Variants in HELZ observed in about 807,000 individuals in gnomAD.
HELZ encodes ATP-dependent RNA helicase with zinc finger domain.
In HELZ, 23 loss-of-function variants were observed where a neutral mutation model predicts 218.2. The observed-to-expected ratio is 0.11, with a 90% CI of 0.08 to 0.15. The LOEUF (loss-of-function observed/expected upper bound fraction) is 0.15, where lower values mean the gene tolerates loss of function less well. Among genes scored for constraint, HELZ ranks in the 10% least tolerant of loss-of-function variants. HELZ has a pLI of 1.00. For missense variants in HELZ, 1,813 were observed against 2,353.7 expected (o/e 0.77, Z 4.75); for synonymous variants, 814 against 829.4 (o/e 0.98, Z 0.32).
intron 24 of HELZ, among the ~76,000 whole-genome samples, chr17:67,127,243 G>A (rs545791853): frequency 4.6e-5 from 7 of 152,220 alleles, no homozygotes; most frequent in South Asian, 4.2e-4. Context: ...AGGCGGACTC[G>A]GGGGCTAATT....
Position 67,109,572 on chromosome 17 carries a change from G to A in HELZ, c.4033C>T (p.Pro1345Ser), listed in dbSNP as rs112975968. 1.2e-6 allele frequency: 2 copies of A among 1,614,176 alleles called. No individual in the cohort carries two copies. Among genetic ancestry groups the A allele is most frequent in the African/African-American group, 1.3e-5 (1 of 75,036 alleles). ...DNLNPRHINL[P>S]LPAPHAQYAI... is the part of the protein sequence containing the mutation. ...TACTGTGCGTGGGGAGCAGGAAGGG[G>A]AAGATTTATGTGTCTTGGGTTGAGA... is the stretch of plus-strand genomic sequence containing the variant. The change falls in exon 29 of 33, where the codon CCC becomes TCC. Residue 1345 changes from proline to serine, a missense_variant. By Grantham distance (74) the Pro-to-Ser change is moderately conservative. Coordinates refer to ENST00000358691, the MANE Select transcript of HELZ (RefSeq NM_014877.4).
chr17:67,072,558 A>G lies in HELZ; in HGVS notation c.*5694T>C, dbSNP rs188461972. Reference sequence around the variant, plus strand: ...CACACCAAACAAATGCACAGCTTCCAGACTGATGTCCAGGCAGCAGCGTAC... The same window carrying G: ...CACACCAAACAAATGCACAGCTTCCGGACTGATGTCCAGGCAGCAGCGTAC... On this transcript the variant is annotated 3_prime_UTR_variant, in exon 33 of 33. Coordinates refer to ENST00000358691, the MANE Select transcript of HELZ (RefSeq NM_014877.4). 624 of 152,822 alleles carry G rather than the reference A, an allele frequency of 4.1e-3. 4 individuals are homozygous for G. The highest frequency in any genetic ancestry group is 4.6e-3 in the Non-Finnish European group (311 of 68,160). 9.5% of individuals were successfully genotyped at this position (152,822 alleles called of 1,614,324 possible).
At chr17:67,235,995 C>T (rs1046760294) in intron 3 of HELZ, among the ~76,000 whole-genome samples, 3 of 151,996 alleles carry the variant, frequency 2.0e-5, no homozygotes, top group Admixed American at 1.3e-4. Context: ...CTCCTGACCT[C>T]CTGATCCGCC....
intron 31 of HELZ, among the ~76,000 whole-genome samples, chr17:67,089,694 G>GAGAGAGAGAGAGAGAGACAGAC (rs776184027): frequency 2.0e-5 from 2 of 100,696 alleles, no homozygotes; most frequent in Admixed American, 1.1e-4. Flanking sequence ...GAGAGAGAGA[G>GAGAGAGAGAGAGAGAGACAGAC]AGAGAGACAG....
intron 13 of HELZ, among the ~76,000 whole-genome samples, chr17:67,170,039 T>C (rs1301686542): frequency 6.6e-6 from 1 of 152,242 alleles, no homozygotes; most frequent in African/African-American, 2.4e-5. Flanking sequence ...GGAACAGCAG[T>C]TGGGCCCCCA....
rs777241915 is a variant in HELZ, at chr17:67,109,644, G to A, written c.3961C>T (p.Arg1321Cys). 1.2e-5 allele frequency: 19 copies of A among 1,613,938 alleles called. No individual in the cohort carries two copies. The highest frequency in any genetic ancestry group is 1.2e-4 in the Admixed American group (7 of 60,000). The change falls in exon 29 of 33, where the codon CGT (arginine) becomes TGT (cysteine). Residue 1321 changes from arginine (R) to cysteine (C), a missense_variant. This residue lies in a region of HELZ where 938 missense variants were observed against 1,027.5 expected (regional missense o/e 0.91). Coordinates refer to ENST00000358691, the MANE Select transcript of HELZ (RefSeq NM_014877.4). ...GTACTGGGATAAACAACACTAGGAC[G>A]TGATTCAGGACTTCTGTTCTGTGGA... is the stretch of plus-strand genomic sequence containing the variant. ...SNPQNRSPESRPSVVYPSTKF... is the reference protein window; with the variant it reads ...SNPQNRSPESCPSVVYPSTKF...
chr17:67,185,013 T>C (rs537722439), intron 12 of HELZ, among the ~76,000 whole-genome samples: 1 of 152,166 alleles, frequency 6.6e-6, no homozygotes, highest in Non-Finnish European at 1.5e-5. Flanking sequence ...AACTTATACC[T>C]GGAATGACAC....
At chr17:67,244,866 C>T (rs1488295451) in intron 1 of HELZ, 6 of 985,558 alleles carry the variant, frequency 6.1e-6, no homozygotes, top group Non-Finnish European at 7.2e-6. Flanking sequence ...GCCAGGCGTG[C>T]AAGGCCCCCT....
intron 23 of HELZ, among the ~76,000 whole-genome samples, chr17:67,130,584 A>G (rs781187221): frequency 4.3e-4 from 66 of 152,194 alleles, no homozygotes; most frequent in Admixed American, 2.2e-3. Flanking sequence ...AAGAACACCA[A>G]TGAAGGAATT....
rs892154303 is a variant in HELZ at position 67,073,385 on chromosome 17, A to T, written c.*4867T>A. 6.6e-6 allele frequency: 1 copy of T among 152,630 alleles called. No homozygotes were observed. Among genetic ancestry groups the T allele is most frequent in the African/African-American group, 2.4e-5 (1 of 41,454 alleles). The allele number at this position is 152,630 out of a possible 1,614,324, so 9.5% of individuals were successfully genotyped here. A position where few individuals can be genotyped will look rare whatever the true frequency, so the allele number is the denominator to read the frequency against. Reference sequence around the variant, plus strand: ...TTGTTTAATGAACTCATAGAATTATATAAAACTTACTATGCTTTATGCTTA... The same window carrying T: ...TTGTTTAATGAACTCATAGAATTATTTAAAACTTACTATGCTTTATGCTTA... On this transcript the variant is annotated 3_prime_UTR_variant, in exon 33 of 33. Transcript: ENST00000358691.
chr17:67,245,293 C>T (rs2041453748), upstream of HELZ: 1 of 913,884 alleles, frequency 1.1e-6, no homozygotes, highest in Non-Finnish European at 1.3e-6. Flanking sequence ...GCCGCGCCTC[C>T]CGCCCGGAAA....
intron 12 of HELZ, among the ~76,000 whole-genome samples, chr17:67,187,697 A>C (rs1203924757): frequency 2.6e-5 from 4 of 152,190 alleles, no homozygotes; most frequent in Admixed American, 2.6e-4. Context: ...GTCCTGTTGG[A>C]TCTTGGCATA....
chr17:67,186,353 T>C (rs1178817232), intron 12 of HELZ, among the ~76,000 whole-genome samples: 1 of 152,136 alleles, frequency 6.6e-6, no homozygotes, highest in Non-Finnish European at 1.5e-5. Context: ...ATTTTACAGA[T>C]GTTTCCCCGT....
intron 26 of HELZ, among the ~76,000 whole-genome samples, chr17:67,122,042 T>C (rs1482640394): frequency 6.6e-6 from 1 of 152,238 alleles, no homozygotes; most frequent in Non-Finnish European, 1.5e-5. Flanking sequence ...ATTAAATATT[T>C]AGATTTACAA....
At chr17:67,211,450 G>GA (rs1347674218) in intron 5 of HELZ, among the ~76,000 whole-genome samples, 3 of 152,220 alleles carry the variant, frequency 2.0e-5, no homozygotes, top group Non-Finnish European at 2.9e-5. Flanking sequence ...AAATATTTCA[G>GA]AAAAAATGAA....
At chr17:67,125,933 G>C (rs1041537511) in intron 24 of HELZ, among the ~76,000 whole-genome samples, 1 of 152,130 alleles carries the variant, frequency 6.6e-6, no homozygotes, top group Non-Finnish European at 1.5e-5. Context: ...TGAGATGTAG[G>C]GGACACAGTT....
chr17:67,087,638 T>C lies in HELZ; in HGVS notation c.5242-557A>G, dbSNP rs569878682. 3.3e-5 allele frequency among the ~76,000 whole-genome samples: 5 copies of C among 152,352 alleles called. No homozygotes were observed. The East Asian group carries it at 9.6e-4, about 29-fold the overall frequency. On this transcript the variant is annotated intron_variant, in intron 31 of 32. Transcript: ENST00000358691. ...CCTGTCCAACGTAAGTACTCTTGAC[T>C]GGACTCCACTGCATTTCTTTTAGTC...
In HELZ at chr17:67,107,656, T is replaced by C. The variant is rs1453743827; in HGVS notation, c.4754A>G (p.His1585Arg). 3 of 1,613,898 alleles carry C rather than the reference T, an allele frequency of 1.9e-6. No individual in the cohort carries two copies. Among genetic ancestry groups the C allele is most frequent in the Non-Finnish European group, 2.5e-6 (3 of 1,179,956 alleles). The change falls in exon 31 of 33, where the codon CAT (histidine) becomes CGT (arginine). Residue 1585 changes from histidine (H) to arginine (R), a missense_variant. His to Arg is a conservative substitution (Grantham distance 29). Around this residue, in one of 4 missense-constraint regions of HELZ, gnomAD observed 938 missense variants for 1,027.5 expected, o/e 0.91. Transcript: ENST00000358691. ...TTCCCGTGTTTCACTTTGATCACGATGAGACAGTTCTCTGATTAAGTCTTG... is the reference window on the plus strand; with the variant it reads ...TTCCCGTGTTTCACTTTGATCACGACGAGACAGTTCTCTGATTAAGTCTTG... ...RFQDLIRELS[H>R]RDQSETRELA...
intron 32 of HELZ, among the ~76,000 whole-genome samples, chr17:67,084,468 C>T (rs2036293642): frequency 6.6e-6 from 1 of 151,682 alleles, no homozygotes; most frequent in Non-Finnish European, 1.5e-5. Flanking sequence ...CGAGACCATC[C>T]TGGCTAACAC....
Sources: allele counts gnomAD v4.1 joint callset (sites outside exome capture counted in the v4.1 genomes callset), GRCh38; gene constraint gnomAD v4.1.1; regional missense constraint gnomAD v4.1.1; transcripts MANE v1.5; gene names NCBI Gene and HGNC (gene_info 2026-07-23, HGNC 2026-07-21).